Variants in SPATA22 observed in about 807,000 individuals in gnomAD.
SPATA22 encodes the protein spermatogenesis-associated protein 22.
A neutral mutation model predicts 47.8 loss-of-function variants in SPATA22; 29 were observed. The ratio of observed to expected loss-of-function variants is 0.61; its 90% CI spans 0.45 to 0.83. The LOEUF is 0.83. Ranked by LOEUF, SPATA22 falls within the 40% of genes least tolerant of loss-of-function variation. The pLI, the probability that SPATA22 is intolerant of heterozygous loss-of-function variation, is 0.00. For synonymous variants in SPATA22, 133 were observed against 140.9 expected, an observed-to-expected ratio of 0.94 and a Z score of 0.40; for missense variants, 410 against 421.7, an observed-to-expected ratio of 0.97 and a Z score of 0.24.
upstream of SPATA22, among the ~76,000 whole-genome samples, chr17:3,474,678 CA>C (rs1243724535): frequency 2.0e-5 from 3 of 152,142 alleles, no homozygotes; most frequent in Admixed American, 2.0e-4. Flanking sequence ...AAAGGAAGAA[CA>C]TTCAGTGGGT....
chr17:3,493,600 C>T (rs7215891), intron 1 of SPATA22, among the ~76,000 whole-genome samples: 33,724 of 146,272 alleles, frequency 0.23, 4,152 homozygotes, highest in Middle Eastern at 0.33. Flanking sequence ...AAAAAGAGCA[C>T]GATACTGAAG....
At chr17:3,481,297 G>A (rs191531476) in intron 1 of SPATA22, among the ~76,000 whole-genome samples, 63 of 152,214 alleles carry the variant, frequency 4.1e-4, no homozygotes, top group African/African-American at 1.5e-3. Context: ...TAAATTAATG[G>A]ATATGTTGCG....
At chr17:3,440,532 C>T in intron 8 of SPATA22, 194 bp from the exon 9 acceptor site, 2 of 398,560 alleles carry the variant, frequency 5.0e-6, no homozygotes, top group Non-Finnish European at 8.9e-6. Flanking sequence ...AGGAAAGACC[C>T]TCACTTGGTA....
rs1234519589 is a variant in SPATA22, at chr17:3,467,476, G to GT, written c.121_122insA (p.Ser41TyrfsTer8). 1.9e-6 allele frequency: 3 copies of GT among 1,609,030 alleles called. No homozygotes were observed. The East Asian group carries it at 6.7e-5, about 36-fold the overall frequency. On this transcript the variant is annotated frameshift_variant, in exon 3 of 9. Transcript: ENST00000572969. LOFTEE classifies it high-confidence loss of function. Reference sequence around the variant, plus strand: ...ATTGTCAGAAGGGGTACTGATACCTGAATCATCTTTAAGTGGATTAGAAGT... The same window carrying GT: ...ATTGTCAGAAGGGGTACTGATACCTGTAATCATCTTTAAGTGGATTAGAAGT...
chr17:3,444,362 G>A (rs995540100), intron 7 of SPATA22, among the ~76,000 whole-genome samples: 1 of 151,924 alleles, frequency 6.6e-6, no homozygotes, highest in African/African-American at 2.4e-5. Flanking sequence ...CGTAGTTCAG[G>A]GTTTCTGCAA....
At chr17:3,464,116 G>C (rs1173471471) in intron 3 of SPATA22, among the ~76,000 whole-genome samples, 2 of 151,876 alleles carry the variant, frequency 1.3e-5, no homozygotes, top group South Asian at 4.2e-4. Flanking sequence ...GAGTGCCTGC[G>C]ATTGCAGGCG....
At chr17:3,513,781 T>C (rs1030933959) in exon 1 of SPATA22, 2 of 687,280 alleles carry the variant, frequency 2.9e-6, no homozygotes, top group African/African-American at 1.8e-5. Flanking sequence ...CACTGAGCAC[T>C]GAGCACGAGG....
intron 1 of SPATA22, chr17:3,483,591 G>C: frequency 6.2e-7 from 1 of 1,610,438 alleles, no homozygotes; most frequent in Middle Eastern, 1.7e-4. Context: ...AGTATCCTGT[G>C]GGTAAGTCAT....
At chr17:3,499,974 C>A (rs1490470140) in intron 1 of SPATA22, 1 of 152,216 alleles carries the variant, frequency 6.6e-6, no homozygotes, top group Non-Finnish European at 1.5e-5. Context: ...AAATTCTACT[C>A]CAGTGCACAC....
At chr17:3,454,663 T>C (rs1004979146) in intron 5 of SPATA22, among the ~76,000 whole-genome samples, 18 of 152,186 alleles carry the variant, frequency 1.2e-4, no homozygotes, top group African/African-American at 3.4e-4. Flanking sequence ...TATTTCATGG[T>C]GTATATGTGC....
chr17:3,489,162 A>G (rs1349496111), intron 1 of SPATA22: 15 of 893,994 alleles, frequency 1.7e-5, no homozygotes, highest in Middle Eastern at 6.7e-4. Flanking sequence ...AAATCTTGAT[A>G]CATTAAAATG....
exon 1 of SPATA22, chr17:3,513,738 A>G: frequency 1.9e-6 from 1 of 523,626 alleles, no homozygotes; most frequent in East Asian, 2.9e-5. Flanking sequence ...TCCCACTCAG[A>G]CAAATTGACA....
chr17:3,489,180 T>A, intron 1 of SPATA22: 2 of 1,095,876 alleles, frequency 1.8e-6, no homozygotes, highest in South Asian at 2.7e-5. Flanking sequence ...ATGCTTAGTT[T>A]TATAATATAT....
intron 5 of SPATA22, among the ~76,000 whole-genome samples, chr17:3,457,104 CA>C (rs1322065361): frequency 6.6e-6 from 1 of 152,086 alleles, no homozygotes; most frequent in African/African-American, 2.4e-5. Flanking sequence ...ACTGAATGGG[CA>C]AAAACTGGAA....
At chr17:3,452,929 C>T (rs2072899103) in intron 5 of SPATA22, among the ~76,000 whole-genome samples, 1 of 152,186 alleles carries the variant, frequency 6.6e-6, no homozygotes, top group African/African-American at 2.4e-5. Context: ...CAGATGACTT[C>T]ACAGTGAATT....
chr17:3,493,995 A>G (rs553215663), intron 1 of SPATA22, among the ~76,000 whole-genome samples: 25 of 150,146 alleles, frequency 1.7e-4, no homozygotes, highest in African/African-American at 4.7e-4. Flanking sequence ...TGCTGTTGTT[A>G]TTATTGTTTC....
intron 5 of SPATA22, among the ~76,000 whole-genome samples, chr17:3,454,059 G>A (rs1458931284): frequency 6.6e-6 from 1 of 151,804 alleles, no homozygotes; most frequent in African/African-American, 2.4e-5. Context: ...ACAAAAATCA[G>A]GAGCATTTCT....
At chr17:3,471,004 A>C (rs1262920033) in intron 1 of SPATA22, among the ~76,000 whole-genome samples, 1 of 151,612 alleles carries the variant, frequency 6.6e-6, no homozygotes. Context: ...AAAATACAAA[A>C]ATTAGCCGGG....
rs116902981 is a variant in SPATA22 at position 3,505,693 on chromosome 17, G to A, written c.-74+7719C>T. 2.0e-3 allele frequency among the ~76,000 whole-genome samples: 298 copies of A among 152,050 alleles called. 8 individuals are homozygous for A. The East Asian group carries it at 0.052, about 27-fold the overall frequency. ...TCTGAAGGCCCATATTTGCATATCC[G>A]ACAAAAACAGAGTCTGGAGGGAAAT... On this transcript the variant is annotated intron_variant, in intron 1 of 8. Transcript: ENST00000541913.
Sources: gnomAD v4.1 joint callset for allele counts (sites outside exome capture counted in the v4.1 genomes callset) on GRCh38, gnomAD v4.1.1 for gene constraint, MANE v1.5 for transcripts, NCBI Gene and HGNC (gene_info 2026-07-23, HGNC 2026-07-21) for gene names.